CPED1: variants seen among roughly 807,000 people sequenced by gnomAD.
The protein encoded by CPED1 is cadherin-like and PC-esterase domain-containing protein 1.
In CPED1, 114 loss-of-function variants were observed where a neutral mutation model predicts 128.2. The observed-to-expected ratio is 0.89, with a 90% CI of 0.76 to 1.04. The LOEUF (loss-of-function observed/expected upper bound fraction) is 1.04, where lower values mean the gene tolerates loss of function less well. Ranked by LOEUF, CPED1 falls within the 50% of genes least tolerant of loss-of-function variation. The pLI is 0.00. For synonymous variants in CPED1, 462 were observed against 426.7 expected (o/e 1.08, Z -1.02); for missense variants, 1,211 against 1,207.1 (o/e 1.00, Z -0.05).
chr7:121,070,438 T>G (rs1382651439), intron 5 of CPED1, among the ~76,000 whole-genome samples: 3 of 152,046 alleles, frequency 2.0e-5, no homozygotes, highest in Non-Finnish European at 4.4e-5. Flanking sequence ...ATGATTATAT[T>G]CCTTATGCAA....
intron 5 of CPED1, among the ~76,000 whole-genome samples, chr7:121,095,329 T>C (rs142449536): frequency 3.1e-4 from 47 of 152,268 alleles, no homozygotes; most frequent in African/African-American, 1.0e-3. Context: ...TGTTAAATGA[T>C]AGCCTAGGAC....
At chr7:121,135,439 C>T (rs773244525) in intron 13 of CPED1, among the ~76,000 whole-genome samples, 4 of 151,880 alleles carry the variant, frequency 2.6e-5, no homozygotes, top group African/African-American at 4.8e-5. Flanking sequence ...TGAGACCCAG[C>T]GATTTGTCTT....
chr7:121,143,440 C>G (rs1014348200), intron 16 of CPED1, among the ~76,000 whole-genome samples: 7 of 151,724 alleles, frequency 4.6e-5, no homozygotes, highest in Non-Finnish European at 5.9e-5. Flanking sequence ...TTTTGTGGGA[C>G]AGATTTGAGG....
intron 12 of CPED1, among the ~76,000 whole-genome samples, chr7:121,132,032 C>T (rs1291422535): frequency 1.3e-5 from 2 of 151,056 alleles, no homozygotes; most frequent in East Asian, 3.9e-4. Flanking sequence ...ACAAGTAAAC[C>T]TTACTACGTT....
intron 16 of CPED1, among the ~76,000 whole-genome samples, chr7:121,223,475 A>G (rs2116628196): frequency 6.6e-6 from 1 of 152,290 alleles, no homozygotes; most frequent in South Asian, 2.1e-4. Flanking sequence ...GCCTCATAAA[A>G]TGAGTTAGGG....
chr7:121,171,004 C>G (rs1248005501), intron 16 of CPED1, among the ~76,000 whole-genome samples: 1 of 151,690 alleles, frequency 6.6e-6, no homozygotes, highest in Non-Finnish European at 1.5e-5. Context: ...GAGCCAAGAT[C>G]GAGCCACTGC....
At chr7:120,991,126 CA>C (rs1796303214) in intron 2 of CPED1, among the ~76,000 whole-genome samples, 1 of 152,142 alleles carries the variant, frequency 6.6e-6, no homozygotes, top group Non-Finnish European at 1.5e-5. Context: ...ACCACAACTA[CA>C]AGAACTTACT....
chr7:120,989,983 G>A (rs963809142), intron 2 of CPED1, 113 bp downstream of exon 2: 21 of 1,275,190 alleles, frequency 1.6e-5, no homozygotes, highest in African/African-American at 3.0e-5. Flanking sequence ...GGGATCCAGA[G>A]TGTAAACAGC....
Position 121,116,008 on chromosome 7 carries a change from A to G in CPED1, c.919-8323A>G, listed in dbSNP as rs538635778. Among the ~76,000 whole-genome samples the G allele has an allele frequency of 2.0e-5, 3 of 152,320 alleles. No homozygotes were observed. In the South Asian group the frequency reaches 6.2e-4, roughly 32 times the overall value. Reference sequence around the variant, plus strand: ...CAGTTTTCTAAGAAGGTTGAATATAATGCAATCAAGGGTCCATCATTCAAA... The same window carrying G: ...CAGTTTTCTAAGAAGGTTGAATATAGTGCAATCAAGGGTCCATCATTCAAA... On this transcript the variant is annotated intron_variant, in intron 7 of 22. Coordinates refer to ENST00000310396, the MANE Select transcript of CPED1 (RefSeq NM_024913.5).
rs1030512295 is a variant in CPED1 at position 121,133,807 on chromosome 7, G to T, written c.1578-16G>T. 2 of 1,565,054 alleles carry T rather than the reference G, an allele frequency of 1.3e-6. No individual in the cohort carries two copies. The highest frequency in any genetic ancestry group is 2.7e-5 in the African/African-American group (2 of 72,958). On this transcript the variant is annotated splice_polypyrimidine_tract_variant and intron_variant, in intron 12 of 22. Coordinates refer to ENST00000310396, the MANE Select transcript of CPED1 (RefSeq NM_024913.5). ...TCATTTCATTAATCCAGAGTTGTTT[G>T]GCATTGCATTTGCAGGAATTCTTTC...
At chr7:121,015,468 A>G (rs1792277176) in intron 2 of CPED1, among the ~76,000 whole-genome samples, 197 bp from the exon 3 acceptor site, 1 of 152,190 alleles carries the variant, frequency 6.6e-6, no homozygotes, top group Admixed American at 6.5e-5. Context: ...TGTTACAGTG[A>G]GGACAATTCA....
chr7:121,236,757 AGCCT>A lies in CPED1; in HGVS notation c.2100_2103del (p.Pro701PhefsTer14). On this transcript the variant is annotated frameshift_variant, in exon 17 of 23. Coordinates refer to ENST00000310396, the MANE Select transcript of CPED1 (RefSeq NM_024913.5). LOFTEE classifies it high-confidence loss of function. ...CATCCAGAGGAAACCTGTGGGTTAC[AGCCT>A]ATTTCTTCTGACTACATTGAAGCCA... 6.2e-7 allele frequency: 1 copy of A among 1,609,994 alleles called. No individual in the cohort carries two copies. Among genetic ancestry groups the A allele is most frequent in the Admixed American group, 1.7e-5 (1 of 59,034 alleles).
chr7:121,083,827 C>T (rs954903440), intron 5 of CPED1: 1 of 152,208 alleles, frequency 6.6e-6, no homozygotes, highest in African/African-American at 2.4e-5. Flanking sequence ...GTCTGTGCTT[C>T]AGCTTTCTGT....
intron 16 of CPED1, among the ~76,000 whole-genome samples, chr7:121,228,216 A>G (rs1798060328): frequency 6.6e-6 from 1 of 151,992 alleles, no homozygotes; most frequent in Non-Finnish European, 1.5e-5. Context: ...TTGCTGAATG[A>G]GAGAAAATAT....
Position 121,135,005 on chromosome 7 carries a change from G to A in CPED1, c.1649-1035G>A, listed in dbSNP as rs528495302. ...TGGACTGGACACACAAATTAAGCTA[G>A]AGTCATCAAATAAAATGTTATAAAT... is the stretch of plus-strand genomic sequence containing the variant. On this transcript the variant is annotated intron_variant, in intron 13 of 22. Coordinates refer to ENST00000310396, the MANE Select transcript of CPED1 (RefSeq NM_024913.5). Among the ~76,000 whole-genome samples, 395 of 151,888 alleles carry A rather than the reference G, an allele frequency of 2.6e-3. 5 individuals are homozygous for A. The highest frequency in any genetic ancestry group is 9.3e-3 in the African/African-American group (387 of 41,480).
intron 16 of CPED1, among the ~76,000 whole-genome samples, chr7:121,192,820 CTT>C (rs953656075): frequency 3.3e-5 from 5 of 152,194 alleles, no homozygotes; most frequent in South Asian, 4.2e-4. Flanking sequence ...AGAGAAGACT[CTT>C]ATATCAAAAT....
intron 4 of CPED1, among the ~76,000 whole-genome samples, chr7:121,055,609 T>C (rs921122579): frequency 5.3e-5 from 8 of 150,278 alleles, no homozygotes; most frequent in Non-Finnish European, 1.2e-4. Flanking sequence ...ATGATATAAT[T>C]ATACATATAA....
intron 18 of CPED1, among the ~76,000 whole-genome samples, chr7:121,265,704 T>C (rs138473492): frequency 6.6e-6 from 1 of 152,076 alleles, no homozygotes; most frequent in East Asian, 1.9e-4. Flanking sequence ...AGAGGCTTCA[T>C]TGGAGAGGAA....
At chr7:121,087,834 T>C (rs960066936) in intron 5 of CPED1, among the ~76,000 whole-genome samples, 3 of 151,708 alleles carry the variant, frequency 2.0e-5, no homozygotes, top group African/African-American at 7.3e-5. Context: ...TAATGTTTTT[T>C]AATTTTTAGT....
Sources: gnomAD v4.1 joint callset for allele counts (sites outside exome capture counted in the v4.1 genomes callset) on GRCh38, gnomAD v4.1.1 for gene constraint, MANE v1.5 for transcripts, NCBI Gene and HGNC (gene_info 2026-07-23, HGNC 2026-07-21) for gene names.